The following SGTB variants were observed in gnomAD, a reference collection of about 807,000 sequenced individuals.
The protein encoded by SGTB is small glutamine-rich tetratricopeptide repeat-containing protein beta.
Under a neutral mutation model 43.9 loss-of-function variants are expected in SGTB, and 19 were observed. The observed-to-expected ratio is 0.43, with a 90% CI of 0.30 to 0.63. SGTB has a LOEUF of 0.63. SGTB is among the 30% of genes least tolerant of loss of function. The pLI, the probability that SGTB is intolerant of heterozygous loss-of-function variation, is 0.12. For synonymous variants in SGTB, 116 were observed against 117.3 expected, an observed-to-expected ratio of 0.99 and a Z score of 0.07; for missense variants, 304 against 358.9, an observed-to-expected ratio of 0.85 and a Z score of 1.24.
Position 65,672,148 on chromosome 5 carries a change from G to T in SGTB, c.719+96C>A. 3 of 1,583,688 alleles carry T rather than the reference G, an allele frequency of 1.9e-6. No individual in the cohort carries two copies. In the South Asian group the frequency reaches 3.4e-5, roughly 18 times the overall value. ...TTAAGCTCCAACTGACTGTCATTCA[G>T]AACAGTTTCATCATTTTTGAGCTGA... On this transcript the variant is annotated intron_variant, in intron 9 of 10. Coordinates refer to ENST00000381007, the MANE Select transcript of SGTB (RefSeq NM_019072.3).
At chr5:65,713,537 CA>C (rs946727392) in intron 2 of SGTB, among the ~76,000 whole-genome samples, 7 of 152,116 alleles carry the variant, frequency 4.6e-5, no homozygotes, top group African/African-American at 1.7e-4. Flanking sequence ...AGGCTGGTCT[CA>C]AACTCCTGGG....
intron 5 of SGTB, among the ~76,000 whole-genome samples, chr5:65,701,034 A>G (rs1334550937): frequency 2.0e-5 from 3 of 149,660 alleles, no homozygotes; most frequent in Non-Finnish European, 3.0e-5. Flanking sequence ...AAAAAAAAAA[A>G]AGAATCATAA....
Position 65,672,050 on chromosome 5 carries a change from T to C in SGTB, c.720-52A>G, listed in dbSNP as rs112879488. 246 of 1,600,666 alleles carry C rather than the reference T, an allele frequency of 1.5e-4. No individual in the cohort carries two copies. The African/African-American group carries it at 2.6e-3, about 17-fold the overall frequency. On this transcript the variant is annotated intron_variant, in intron 9 of 10. Coordinates refer to ENST00000381007, the MANE Select transcript of SGTB (RefSeq NM_019072.3). The stretch of plus-strand genomic sequence containing the variant: ...GGGATTGGTATATATTCTTAACAAA[T>C]AGGACAACTGGACGAGGAAAAGTTA...
chr5:65,673,841 A>G (rs1757210164), intron 8 of SGTB, among the ~76,000 whole-genome samples: 1 of 152,124 alleles, frequency 6.6e-6, no homozygotes, highest in Non-Finnish European at 1.5e-5. Context: ...TTTTTAGTAG[A>G]GACGGGGTTT....
intron 2 of SGTB, among the ~76,000 whole-genome samples, chr5:65,715,147 C>T (rs547177153): frequency 6.6e-6 from 1 of 152,314 alleles, no homozygotes; most frequent in East Asian, 1.9e-4. Flanking sequence ...ATTTAACTTA[C>T]ATTTACCTCA....
At chr5:65,721,095 G>A (rs1365205790) in intron 1 of SGTB, among the ~76,000 whole-genome samples, 1 of 152,170 alleles carries the variant, frequency 6.6e-6, no homozygotes, top group African/African-American at 2.4e-5. Flanking sequence ...TTCAAAACAT[G>A]TACAGCATAA....
Position 65,720,688 on chromosome 5 carries a change from C to G in SGTB, c.100+20G>C, listed in dbSNP as rs1015274431. 5.6e-6 allele frequency: 9 copies of G among 1,598,074 alleles called. No individual in the cohort carries two copies. In the Admixed American group the frequency reaches 1.3e-4, roughly 23 times the overall value. ...CGTTTATAATTATAATATAAATGAA[C>G]ACAAAGAGCAGATGCATACCTTCCA... On this transcript the variant is annotated intron_variant, in intron 2 of 10. Coordinates refer to ENST00000381007, the MANE Select transcript of SGTB (RefSeq NM_019072.3).
Position 65,705,158 on chromosome 5 carries a change from T to C in SGTB, c.275-780A>G, listed in dbSNP as rs151332732. 1.0e-3 allele frequency among the ~76,000 whole-genome samples: 159 copies of C among 152,304 alleles called. 1 individual carries two copies. Among genetic ancestry groups the C allele is most frequent in the African/African-American group, 3.5e-3 (146 of 41,556 alleles). On this transcript the variant is annotated intron_variant, in intron 4 of 10. Transcript: ENST00000381007. ...ACTTGTAAGAACCAATGGTTCAAAA[T>C]ATGTCTGGGCGTGGTGGCTTATGCC...
chr5:65,722,517 GA>G, upstream of SGTB: 1 of 1,094,040 alleles, frequency 9.1e-7, no homozygotes, highest in Non-Finnish European at 1.3e-6. Context: ...GCGCCTCTCC[GA>G]CGCTCCCGGG....
chr5:65,682,576 CAG>C (rs1216040087), intron 6 of SGTB, among the ~76,000 whole-genome samples: 1 of 152,120 alleles, frequency 6.6e-6, no homozygotes, highest in Non-Finnish European at 1.5e-5. Context: ...GACTTGATGA[CAG>C]AGTATCAGTA....
intron 5 of SGTB, among the ~76,000 whole-genome samples, chr5:65,686,438 C>T (rs895264973): frequency 6.6e-6 from 1 of 152,164 alleles, no homozygotes; most frequent in African/African-American, 2.4e-5. Flanking sequence ...AAGTCTCTGA[C>T]CTCATGTTCC....
chr5:65,718,595 G>A (rs1758194852), intron 2 of SGTB, among the ~76,000 whole-genome samples: 1 of 152,194 alleles, frequency 6.6e-6, no homozygotes, highest in African/African-American at 2.4e-5. Flanking sequence ...AGACAAAGCT[G>A]ATGATATACC....
At chr5:65,687,830 G>T (rs915352925) in intron 5 of SGTB, among the ~76,000 whole-genome samples, 1 of 152,114 alleles carries the variant, frequency 6.6e-6, no homozygotes, top group Non-Finnish European at 1.5e-5. Flanking sequence ...CTGCAGTGGC[G>T]CGATCTCGGC....
rs1287219643 is a variant in SGTB at position 65,703,464 on chromosome 5, G to A, written c.374+815C>T. On this transcript the variant is annotated intron_variant, in intron 5 of 10. Coordinates refer to ENST00000381007, the MANE Select transcript of SGTB (RefSeq NM_019072.3). ...CTCATGCTTGTAATTCCAGCACTTTGGGAGGCCAAGGCAGGTGGATCACTT... is the reference window on the plus strand; with the variant it reads ...CTCATGCTTGTAATTCCAGCACTTTAGGAGGCCAAGGCAGGTGGATCACTT... Among the ~76,000 whole-genome samples, 5 of 152,162 alleles carry A rather than the reference G, an allele frequency of 3.3e-5. No individual in the cohort carries two copies. The South Asian group carries it at 1.0e-3, about 32-fold the overall frequency.
chr5:65,701,007 C>A (rs1158787791), intron 5 of SGTB, among the ~76,000 whole-genome samples: 26 of 82,628 alleles, frequency 3.1e-4, no homozygotes, highest in East Asian at 7.3e-4. Flanking sequence ...AAGACTCCGT[C>A]TCAAAAAAAA....
chr5:65,672,457 G>A (rs1418963757), intron 8 of SGTB, among the ~76,000 whole-genome samples, 176 bp from the exon 9 acceptor site: 1 of 152,154 alleles, frequency 6.6e-6, no homozygotes, highest in Non-Finnish European at 1.5e-5. Flanking sequence ...ACTAGAAAAA[G>A]TGGCATTAAG....
At chr5:65,718,005 C>T (rs1016052537) in intron 2 of SGTB, among the ~76,000 whole-genome samples, 2 of 151,868 alleles carry the variant, frequency 1.3e-5, no homozygotes, top group African/African-American at 2.4e-5. Context: ...AAAGGTGAGG[C>T]ATGAACAGAT....
chr5:65,709,833 T>G (rs2150721648), intron 3 of SGTB, among the ~76,000 whole-genome samples: 1 of 152,284 alleles, frequency 6.6e-6, no homozygotes, highest in South Asian at 2.1e-4. Flanking sequence ...ACTCCTAGCT[T>G]AAGCAATCCT....
At chr5:65,705,726 G>A (rs1192090249) in intron 4 of SGTB, among the ~76,000 whole-genome samples, 1 of 151,964 alleles carries the variant, frequency 6.6e-6, no homozygotes, top group Admixed American at 6.6e-5. Context: ...TTGTTTGGGG[G>A]GTTATAAAAA....
Sources: allele counts gnomAD v4.1 joint callset (sites outside exome capture counted in the v4.1 genomes callset), GRCh38; gene constraint gnomAD v4.1.1; transcripts MANE v1.5; gene names NCBI Gene and HGNC (gene_info 2026-07-23, HGNC 2026-07-21).